PPP6R2: variants seen among roughly 807,000 people sequenced by gnomAD.
PPP6R2 encodes serine/threonine-protein phosphatase 6 regulatory subunit 2.
Under a neutral mutation model 100.2 loss-of-function variants are expected in PPP6R2, and 62 were observed. That is an observed-to-expected ratio of 0.62 (90% CI 0.50 to 0.76). The LOEUF (loss-of-function observed/expected upper bound fraction) is 0.76. PPP6R2 is among the 30% of genes least tolerant of loss of function. PPP6R2 has a pLI of 0.00. For synonymous variants in PPP6R2, 525 were observed against 514.7 expected (o/e 1.02, Z -0.27); for missense variants, 1,142 against 1,276.3 (o/e 0.89, Z 1.60).
At chr22:50,342,994 GGT>G (rs1434460809), upstream of PPP6R2, among the ~76,000 whole-genome samples, 5 of 152,190 alleles carry the variant, frequency 3.3e-5, no homozygotes, top group Non-Finnish European at 7.4e-5. Context: ...CCCTGCCCCA[GGT>G]GTGTGTCTCT....
intron 3 of PPP6R2, among the ~76,000 whole-genome samples, chr22:50,406,481 G>C (rs1465652280): frequency 6.6e-6 from 1 of 152,208 alleles, no homozygotes; most frequent in Non-Finnish European, 1.5e-5. Flanking sequence ...AGGGCATGAG[G>C]AGCATAGAAG....
At chr22:50,442,382 T>C (rs2065860060) in intron 22 of PPP6R2, among the ~76,000 whole-genome samples, 1 of 152,210 alleles carries the variant, frequency 6.6e-6, no homozygotes, top group Admixed American at 6.5e-5. Flanking sequence ...TTGGCCACCC[T>C]GTCTTCAGGG....
At chr22:50,407,590 C>T (rs2059152283) in intron 4 of PPP6R2, 1 of 152,352 alleles carries the variant, frequency 6.6e-6, no homozygotes. Context: ...AAGGTCACTT[C>T]TAGCATTAGA....
intron 2 of PPP6R2, among the ~76,000 whole-genome samples, chr22:50,379,752 T>G (rs899041846): frequency 6.6e-6 from 1 of 152,036 alleles, no homozygotes; most frequent in Non-Finnish European, 1.5e-5. Flanking sequence ...TGGTGGCACA[T>G]TCCTGTAGTC....
At chr22:50,435,207 C>A in intron 13 of PPP6R2, 126 bp downstream of exon 13, 1 of 664,352 alleles carries the variant, frequency 1.5e-6, no homozygotes, top group Non-Finnish European at 2.4e-6. Context: ...AGACCCATGG[C>A]CACCTCTGTC....
rs750259116 is a variant in PPP6R2 at position 50,440,804 on chromosome 22, A to G, written c.2375-18A>G. ...CCCCTCCTGCCTCACTGGACAGCAC[A>G]GGCCTCCTACTTTGCAGTCAGCCCG... On this transcript the variant is annotated intron_variant, in intron 21 of 23. Coordinates refer to ENST00000612753, the MANE Select transcript of PPP6R2 (RefSeq NM_001242898.2). 1 of 1,612,472 alleles carries G rather than the reference A, an allele frequency of 6.2e-7. No individual in the cohort carries two copies.
At position 50,418,880 on chromosome 22, in the gene PPP6R2, C is replaced by G; in HGVS notation, c.632C>G (p.Ala211Gly). ...PSQDEDRQSN[A>G]SQTLCDIVRL... Reference sequence around the variant, plus strand: ...TTGTCTTTTCAGAGGCAGTCAAATGCTTCTCAGACTCTCTGTGACATAGTT... The same window carrying G: ...TTGTCTTTTCAGAGGCAGTCAAATGGTTCTCAGACTCTCTGTGACATAGTT... Residue 211 changes from alanine to glycine, a missense_variant, in exon 7 of 24, where the codon GCT becomes GGT. Coordinates refer to ENST00000612753, the MANE Select transcript of PPP6R2 (RefSeq NM_001242898.2). The G allele has an allele frequency of 6.2e-7, 1 of 1,613,286 alleles. No individual in the cohort carries two copies.
In PPP6R2 at chr22:50,343,364, C is replaced by G. The variant is rs1393757534; in HGVS notation, c.-334C>G. 1.3e-5 allele frequency: 2 copies of G among 150,924 alleles called. No individual in the cohort carries two copies. The highest frequency in any genetic ancestry group is 2.0e-4 in the South Asian group (1 of 5,032). 9.3% of individuals were successfully genotyped at this position (150,924 alleles called of 1,614,324 possible). A position where few individuals can be genotyped will look rare whatever the true frequency, so the allele number is the denominator to read the frequency against. On this transcript the variant is annotated 5_prime_UTR_variant, in exon 1 of 24. Transcript: ENST00000612753. ...GAGCGATCGGAGTGCCGCCCGCGGCCCCGAGTCGGTCTCGAGCCGCCGGCC... is the reference window on the plus strand; with the variant it reads ...GAGCGATCGGAGTGCCGCCCGCGGCGCCGAGTCGGTCTCGAGCCGCCGGCC...
At chr22:50,395,396 G>A (rs2148913664) in intron 3 of PPP6R2, among the ~76,000 whole-genome samples, 1 of 152,218 alleles carries the variant, frequency 6.6e-6, no homozygotes, top group East Asian at 1.9e-4. Context: ...GGCGGAGCTG[G>A]CCTCCAGCTC....
chr22:50,437,479 GTCCCTCCCTCCC>G lies in PPP6R2; in HGVS notation c.1684-14_1684-3del, dbSNP rs369985953. 6.2e-5 allele frequency: 48 copies of G among 776,386 alleles called. 5 individuals carry two copies. Among genetic ancestry groups the G allele is most frequent in the Non-Finnish European group, 9.5e-5 (40 of 422,098 alleles). The allele number at this position is 776,386 out of a possible 1,614,324, so 48.1% of individuals were successfully genotyped here. A position where few individuals can be genotyped will look rare whatever the true frequency, so the allele number is the denominator to read the frequency against. On this transcript the variant is annotated splice_polypyrimidine_tract_variant and intron_variant, in intron 15 of 23. Coordinates refer to ENST00000612753, the MANE Select transcript of PPP6R2 (RefSeq NM_001242898.2). ...CCTCCTCCATGACCGGTGTCTGTCC[GTCCCTCCCTCCC>G]TCCCTCCCTCCCAGGCCTTCTCTGA...
At position 50,431,446 on chromosome 22, in the gene PPP6R2, C is replaced by T; in HGVS notation, c.1335+64C>T. 6.9e-7 allele frequency: 1 copy of T among 1,452,164 alleles called. No individual in the cohort carries two copies. The highest frequency in any genetic ancestry group is 9.5e-7 in the Non-Finnish European group (1 of 1,058,178). 90.0% of individuals were successfully genotyped at this position (1,452,164 alleles called of 1,614,324 possible). A position where few individuals can be genotyped will look rare whatever the true frequency, so the allele number is the denominator to read the frequency against. Reference sequence around the variant, plus strand: ...CGCCCCACTCAGACCGTGTCCATGTCAGCGCTGACGTGTGCCGGACCTCAC... The same window carrying T: ...CGCCCCACTCAGACCGTGTCCATGTTAGCGCTGACGTGTGCCGGACCTCAC... On this transcript the variant is annotated intron_variant, in intron 11 of 23. Coordinates refer to ENST00000612753, the MANE Select transcript of PPP6R2 (RefSeq NM_001242898.2). This position sits in a 1 kb window ranked among gnomAD's most constrained non-coding sequence, Gnocchi z 4.8.
intron 2 of PPP6R2, among the ~76,000 whole-genome samples, chr22:50,386,522 G>C (rs12163241): frequency 6.6e-6 from 1 of 152,184 alleles, no homozygotes; most frequent in African/African-American, 2.4e-5. Context: ...TCAAATTGTA[G>C]TAAGGTACAA....
chr22:50,432,562 G>A (rs895958764), intron 12 of PPP6R2, among the ~76,000 whole-genome samples: 5 of 152,134 alleles, frequency 3.3e-5, no homozygotes, highest in South Asian at 2.1e-4. Context: ...AAGCGGTCCC[G>A]TCCCCACCAG....
chr22:50,364,610 G>A (rs2048385634), intron 1 of PPP6R2, among the ~76,000 whole-genome samples: 1 of 152,234 alleles, frequency 6.6e-6, no homozygotes, highest in African/African-American at 2.4e-5. Flanking sequence ...TGAGAGCACT[G>A]AGGAGGGACT....
chr22:50,330,833 G>C, the PPP6R2 span, among the ~76,000 whole-genome samples: 1 of 152,044 alleles, frequency 6.6e-6, no homozygotes, highest in Non-Finnish European at 1.5e-5. Context: ...AAGATGGTCA[G>C]TTGCTGGCTT....
intron 2 of PPP6R2, among the ~76,000 whole-genome samples, chr22:50,384,512 G>A (rs1410786725): frequency 2.6e-5 from 4 of 151,660 alleles, no homozygotes; most frequent in Admixed American, 6.6e-5. Context: ...CCAAGATCGC[G>A]CCACTGCACT....
At chr22:50,353,045 C>G (rs757910886) in intron 1 of PPP6R2, among the ~76,000 whole-genome samples, 5 of 152,192 alleles carry the variant, frequency 3.3e-5, no homozygotes, top group Non-Finnish European at 5.9e-5. Context: ...GCCTGGGCAA[C>G]AGAGTAAGAC....
chr22:50,339,106 G>A (rs935332503), upstream of PPP6R2, among the ~76,000 whole-genome samples: 3 of 137,988 alleles, frequency 2.2e-5, no homozygotes, highest in African/African-American at 8.3e-5. Flanking sequence ...GGTATGTAGT[G>A]TGGTATGTAG....
At chr22:50,355,296 G>A (rs1376100036) in intron 1 of PPP6R2, among the ~76,000 whole-genome samples, 2 of 149,000 alleles carry the variant, frequency 1.3e-5, no homozygotes, top group Non-Finnish European at 3.0e-5. Context: ...GGAGTGCAGC[G>A]GCGTGATCTC....
Sources: allele counts gnomAD v4.1 joint callset (sites outside exome capture counted in the v4.1 genomes callset), GRCh38; gene constraint gnomAD v4.1.1; non-coding constraint Gnocchi (gnomAD v3.1); transcripts MANE v1.5; gene names NCBI Gene and HGNC (gene_info 2026-07-23, HGNC 2026-07-21).